The following LYPLAL1 variants were observed in gnomAD, a reference collection of about 807,000 sequenced individuals.
LYPLAL1 encodes lysophospholipase like 1.
In LYPLAL1, 23 loss-of-function variants were observed where a neutral mutation model predicts 19.7. The ratio of observed to expected loss-of-function variants is 1.17; its 90% CI spans 0.84 to 1.65. The LOEUF (loss-of-function observed/expected upper bound fraction) is 1.65. Among genes scored for constraint, LYPLAL1 ranks in the 40% most tolerant of loss-of-function variants. The pLI is 0.00. For missense variants in LYPLAL1, 355 were observed against 279.4 expected, an observed-to-expected ratio of 1.27 and a Z score of -1.93; for synonymous variants, 119 against 96.3, an observed-to-expected ratio of 1.24 and a Z score of -1.38.
rs1189191912 is a variant in LYPLAL1, at chr1:219,211,861, C to T, written c.*133C>T. 2 of 562,022 alleles carry T rather than the reference C, an allele frequency of 3.6e-6. No individual in the cohort carries two copies. The highest frequency in any genetic ancestry group is 6.1e-6 in the Non-Finnish European group (2 of 330,274). The allele number at this position is 562,022 out of a possible 1,614,324, so 34.8% of individuals were successfully genotyped here. A position where few individuals can be genotyped will look rare whatever the true frequency, so the allele number is the denominator to read the frequency against. On this transcript the variant is annotated 3_prime_UTR_variant, in exon 5 of 5. Coordinates refer to ENST00000366928, the MANE Select transcript of LYPLAL1 (RefSeq NM_138794.5). Reference sequence around the variant, plus strand: ...ACTTTTTTATTATTAAAATGCTTATCACTGTAGACAGTAGCTAATCTTATT... The same window carrying T: ...ACTTTTTTATTATTAAAATGCTTATTACTGTAGACAGTAGCTAATCTTATT...
At chr1:219,342,199 T>C in the LYPLAL1 span, among the ~76,000 whole-genome samples, 2 of 151,986 alleles carry the variant, frequency 1.3e-5, no homozygotes, top group African/African-American at 4.8e-5. Flanking sequence ...TCTCCATGAG[T>C]CTCTCAAGGT....
the LYPLAL1 span, among the ~76,000 whole-genome samples, chr1:219,336,965 C>T: frequency 1.3e-4 from 19 of 151,898 alleles, no homozygotes; most frequent in East Asian, 3.9e-4. Flanking sequence ...AGGTTGTCAG[C>T]GGGGCTGTTT....
chr1:219,288,882 G>A, the LYPLAL1 span, among the ~76,000 whole-genome samples: 1 of 152,054 alleles, frequency 6.6e-6, no homozygotes, highest in African/African-American at 2.4e-5. Flanking sequence ...GTAGAAGTAC[G>A]CTTTAAAATT....
At chr1:219,320,946 G>T in the LYPLAL1 span, among the ~76,000 whole-genome samples, 1 of 152,148 alleles carries the variant, frequency 6.6e-6, no homozygotes, top group Admixed American at 6.5e-5. Context: ...AATCCTTTGG[G>T]TATATATCCA....
At chr1:219,260,738 A>T in the LYPLAL1 span, among the ~76,000 whole-genome samples, 5 of 151,086 alleles carry the variant, frequency 3.3e-5, no homozygotes, top group Non-Finnish European at 5.9e-5. Context: ...ATACATATAT[A>T]AAAAAAGCCT....
intron 2 of LYPLAL1, among the ~76,000 whole-genome samples, chr1:219,185,134 T>C (rs1296783292): frequency 1.3e-5 from 2 of 151,956 alleles, no homozygotes; most frequent in East Asian, 3.8e-4. Flanking sequence ...TTTTGATAAT[T>C]TGTATTTCTC....
At chr1:219,372,853 G>A in the LYPLAL1 span, among the ~76,000 whole-genome samples, 16 of 152,046 alleles carry the variant, frequency 1.1e-4, no homozygotes, top group African/African-American at 2.7e-4. Context: ...GCAATGTACC[G>A]TGATCATGCT....
the LYPLAL1 span, among the ~76,000 whole-genome samples, chr1:219,240,848 C>G: frequency 6.6e-6 from 1 of 151,808 alleles, no homozygotes; most frequent in African/African-American, 2.4e-5. Context: ...CTACATTGGA[C>G]TCTTTCCCAA....
At chr1:219,263,650 T>C in the LYPLAL1 span, among the ~76,000 whole-genome samples, 1 of 152,132 alleles carries the variant, frequency 6.6e-6, no homozygotes, top group South Asian at 2.1e-4. Flanking sequence ...CCCTGTGAGA[T>C]AGAGTCAGGG....
At chr1:219,421,819 A>T in the LYPLAL1 span, among the ~76,000 whole-genome samples, 1 of 152,202 alleles carries the variant, frequency 6.6e-6, no homozygotes, top group African/African-American at 2.4e-5. Context: ...AAAAATAATT[A>T]AATAAAGAAT....
chr1:219,190,532 G>A (rs960492822), intron 2 of LYPLAL1, among the ~76,000 whole-genome samples: 2 of 148,084 alleles, frequency 1.4e-5, no homozygotes, highest in Admixed American at 1.4e-4. Flanking sequence ...TGTATGGATT[G>A]GCAGGAGCTT....
the LYPLAL1 span, among the ~76,000 whole-genome samples, chr1:219,326,595 T>C: frequency 6.6e-6 from 1 of 152,172 alleles, no homozygotes; most frequent in Admixed American, 6.5e-5. Flanking sequence ...GAAAATTCCT[T>C]CTACCTATTT....
the LYPLAL1 span, among the ~76,000 whole-genome samples, chr1:219,235,370 TA>T: frequency 6.6e-6 from 1 of 152,212 alleles, no homozygotes; most frequent in Non-Finnish European, 1.5e-5. Flanking sequence ...GATCCTTGAT[TA>T]CTACCAGACC....
At chr1:219,343,993 C>A in the LYPLAL1 span, among the ~76,000 whole-genome samples, 1 of 152,226 alleles carries the variant, frequency 6.6e-6, no homozygotes, top group African/African-American at 2.4e-5. Flanking sequence ...AAAGGCAATT[C>A]CCTTTAAATT....
At chr1:219,380,730 C>A in the LYPLAL1 span, among the ~76,000 whole-genome samples, 2 of 152,098 alleles carry the variant, frequency 1.3e-5, no homozygotes, top group African/African-American at 4.8e-5. Flanking sequence ...ATCTTGATAC[C>A]GTATTTGCTA....
the LYPLAL1 span, among the ~76,000 whole-genome samples, chr1:219,350,743 C>G: frequency 1.3e-5 from 2 of 152,188 alleles, no homozygotes. Flanking sequence ...GTAGCATGCA[C>G]TTAACCCAGG....
the LYPLAL1 span, among the ~76,000 whole-genome samples, chr1:219,249,464 T>TTG: frequency 2.2e-4 from 33 of 151,746 alleles, no homozygotes; most frequent in South Asian, 2.3e-3. Context: ...TGTTAGGGAT[T>TTG]TGTGTGTGTG....
the LYPLAL1 span, among the ~76,000 whole-genome samples, chr1:219,410,673 G>C: frequency 0.053 from 8,017 of 152,326 alleles, 288 homozygotes; most frequent in Middle Eastern, 0.1. Context: ...GCGGGAACCG[G>C]GGCTGTGTGC....
chr1:219,248,132 CAT>C, the LYPLAL1 span, among the ~76,000 whole-genome samples: 5 of 152,098 alleles, frequency 3.3e-5, no homozygotes, highest in African/African-American at 4.8e-5. Flanking sequence ...AATCACTTAA[CAT>C]ATGAAACATT....
Sources: gnomAD v4.1 joint callset for allele counts (sites outside exome capture counted in the v4.1 genomes callset) on GRCh38, gnomAD v4.1.1 for gene constraint, MANE v1.5 for transcripts, NCBI Gene and HGNC (gene_info 2026-07-23, HGNC 2026-07-21) for gene names.